BMP2K: variants seen among roughly 807,000 people sequenced by gnomAD.
BMP2K encodes the protein BMP-2-inducible protein kinase.
Under a neutral mutation model 116.0 loss-of-function variants are expected in BMP2K, and 74 were observed. The observed-to-expected ratio is 0.64, with a 90% CI of 0.53 to 0.77. The LOEUF is 0.77. BMP2K is among the 30% of genes least tolerant of loss of function. The probability of loss-of-function intolerance (pLI) is 0.00; values close to 1 mark genes in which losing one functional copy is unlikely to be tolerated. For synonymous variants in BMP2K, 486 were observed against 502.5 expected (o/e 0.97, Z 0.44); for missense variants, 1,365 against 1,403.6 (o/e 0.97, Z 0.44).
intron 7 of BMP2K, among the ~76,000 whole-genome samples, chr4:78,856,325 C>T (rs1468519894): frequency 6.6e-6 from 1 of 152,036 alleles, no homozygotes; most frequent in Non-Finnish European, 1.5e-5. Flanking sequence ...GCTGGGATTA[C>T]AGGCAAGAGT....
intron 1 of BMP2K, among the ~76,000 whole-genome samples, chr4:78,799,203 A>G (rs1282343034): frequency 2.0e-5 from 3 of 152,192 alleles, no homozygotes; most frequent in Non-Finnish European, 4.4e-5. Flanking sequence ...AGAATTAGGA[A>G]AAAGTTCTGT....
At chr4:78,910,481 A>T (rs1466134589) in intron 15 of BMP2K, 129 bp from the exon 16 acceptor site, 5 of 775,014 alleles carry the variant, frequency 6.5e-6, no homozygotes, top group Non-Finnish European at 1.0e-5. Flanking sequence ...AATTGACAAC[A>T]TTATTTTTTC....
intron 1 of BMP2K, among the ~76,000 whole-genome samples, chr4:78,802,836 CTT>C (rs11287574): frequency 1.0e-4 from 15 of 147,190 alleles, no homozygotes; most frequent in Non-Finnish European, 1.2e-4. Flanking sequence ...CATTTATAAT[CTT>C]TTTTTTTTTG....
chr4:78,872,123 G>A (rs1329322697), intron 12 of BMP2K, among the ~76,000 whole-genome samples, 175 bp downstream of exon 12: 1 of 152,004 alleles, frequency 6.6e-6, no homozygotes, highest in Non-Finnish European at 1.5e-5. Flanking sequence ...CTGAACTATG[G>A]CACCTGAATA....
chr4:78,779,256 T>C, intron 1 of BMP2K, among the ~76,000 whole-genome samples: 1 of 152,230 alleles, frequency 6.6e-6, no homozygotes, highest in East Asian at 1.9e-4. Context: ...TGTTGCAGTT[T>C]AAATACACCT....
At chr4:78,862,531 C>T (rs906130810) in intron 9 of BMP2K, among the ~76,000 whole-genome samples, 1 of 152,002 alleles carries the variant, frequency 6.6e-6, no homozygotes. Context: ...GGGACATATA[C>T]AGGAGTAGTG....
chr4:78,812,220 C>T (rs766426381), intron 1 of BMP2K, among the ~76,000 whole-genome samples: 6 of 152,170 alleles, frequency 3.9e-5, no homozygotes, highest in African/African-American at 1.4e-4. Flanking sequence ...CCACCCACCT[C>T]GGCCTCCCAA....
chr4:78,804,937 A>AT (rs201114472), intron 1 of BMP2K, among the ~76,000 whole-genome samples: 7,513 of 152,032 alleles, frequency 0.049, 596 homozygotes, highest in African/African-American at 0.17. Flanking sequence ...TTAATTTATT[A>AT]TTTTTTGGTT....
chr4:78,861,623 A>C (rs1022379138), intron 9 of BMP2K, among the ~76,000 whole-genome samples, 155 bp downstream of exon 9: 5 of 152,014 alleles, frequency 3.3e-5, no homozygotes, highest in African/African-American at 1.2e-4. Context: ...GCAAATACAA[A>C]ATAAGCTTTT....
In BMP2K at chr4:78,878,737, A is replaced by G. The variant is rs1732755734; in HGVS notation, c.1797A>G (p.Ser599=). Reference sequence around the variant, plus strand: ...TCTTACTCAATTATTACTATAGGTCAGTTGCTGATAAAGAGGCCATTGCAA... The same window carrying G: ...TCTTACTCAATTATTACTATAGGTCGGTTGCTGATAAAGAGGCCATTGCAA... The part of the protein sequence containing the change: ...IMDSSYSANR[S]VADKEAIANF... Residue 599 remains serine, a synonymous_variant, in exon 14 of 16, where the codon TCA becomes TCG. Coordinates refer to ENST00000502613, the MANE Select transcript of BMP2K (RefSeq NM_198892.2). 6.2e-7 allele frequency: 1 copy of G among 1,604,892 alleles called. No homozygotes were observed. Among genetic ancestry groups the G allele is most frequent in the African/African-American group, 1.3e-5 (1 of 74,428 alleles).
rs562825465 is a variant in BMP2K at position 78,802,231 on chromosome 4, A to T, written c.179-23806A>T. On this transcript the variant is annotated intron_variant, in intron 1 of 15. Coordinates refer to ENST00000502613, the MANE Select transcript of BMP2K (RefSeq NM_198892.2). ...AAAGTGCTTTGTGGGTCTAGACTTT[A>T]TGTGGTGATCCCAGTGTGACCTTCT... Among the ~76,000 whole-genome samples the T allele has an allele frequency of 2.0e-5, 3 of 152,278 alleles. No individual in the cohort carries two copies. The South Asian group carries it at 6.2e-4, about 32-fold the overall frequency.
chr4:78,863,547 A>T (rs919568807), intron 9 of BMP2K, among the ~76,000 whole-genome samples: 2 of 152,156 alleles, frequency 1.3e-5, no homozygotes, highest in East Asian at 3.8e-4. Context: ...AGATGGAAAC[A>T]TTGAAGGATT....
chr4:78,841,982 ATATC>A (rs1175653722), intron 3 of BMP2K, among the ~76,000 whole-genome samples: 1 of 152,044 alleles, frequency 6.6e-6, no homozygotes, highest in Non-Finnish European at 1.5e-5. Context: ...TTATTACAAT[ATATC>A]TATTTGTGTG....
intron 1 of BMP2K, among the ~76,000 whole-genome samples, chr4:78,825,616 G>A (rs1430545172): frequency 6.6e-6 from 1 of 152,220 alleles, no homozygotes; most frequent in South Asian, 2.1e-4. Flanking sequence ...TTCTGGAACT[G>A]GAGGAGGGAA....
At chr4:78,820,501 A>G (rs1165239860) in intron 1 of BMP2K, among the ~76,000 whole-genome samples, 5 of 151,902 alleles carry the variant, frequency 3.3e-5, no homozygotes, top group Non-Finnish European at 5.9e-5. Flanking sequence ...TATATCTTTG[A>G]TACATTTTTT....
intron 1 of BMP2K, among the ~76,000 whole-genome samples, chr4:78,790,609 C>T (rs1727950559): frequency 6.6e-6 from 1 of 152,104 alleles, no homozygotes; most frequent in Non-Finnish European, 1.5e-5. Context: ...CCTAAATAAA[C>T]TCAGTACAAA....
chr4:78,853,024 C>A (rs1374846721), intron 7 of BMP2K, among the ~76,000 whole-genome samples: 1 of 152,146 alleles, frequency 6.6e-6, no homozygotes, highest in Non-Finnish European at 1.5e-5. Flanking sequence ...ATAAATCCTA[C>A]ATTCAGAAAA....
intron 9 of BMP2K, among the ~76,000 whole-genome samples, chr4:78,863,802 T>A (rs1731912445): frequency 6.6e-6 from 1 of 152,212 alleles, no homozygotes; most frequent in African/African-American, 2.4e-5. Context: ...GCCTGGTTTC[T>A]TTGTCACTGC....
At chr4:78,877,184 C>T (rs558753047) in intron 13 of BMP2K, among the ~76,000 whole-genome samples, 60 of 152,076 alleles carry the variant, frequency 3.9e-4, no homozygotes, top group Admixed American at 6.6e-4. Flanking sequence ...ATAGACTTGA[C>T]TTTATAAACA....
Sources: gnomAD v4.1 joint callset for allele counts (sites outside exome capture counted in the v4.1 genomes callset) on GRCh38, gnomAD v4.1.1 for gene constraint, MANE v1.5 for transcripts, NCBI Gene and HGNC (gene_info 2026-07-23, HGNC 2026-07-21) for gene names.